The following CCDC102B variants were observed in gnomAD, a reference collection of about 807,000 sequenced individuals.
CCDC102B encodes coiled-coil domain containing 102B.
Under a neutral mutation model 57.4 loss-of-function variants are expected in CCDC102B, and 75 were observed. That is an observed-to-expected ratio of 1.31 (90% CI 1.08 to 1.58). The LOEUF (loss-of-function observed/expected upper bound fraction) is 1.58. Among genes scored for constraint, CCDC102B ranks in the 40% most tolerant of loss-of-function variants. The probability of loss-of-function intolerance (pLI) is 0.00; values close to 1 mark genes in which losing one functional copy is unlikely to be tolerated. For synonymous variants in CCDC102B, 206 were observed against 201.9 expected (o/e 1.02, Z -0.17); for missense variants, 636 against 582.6 (o/e 1.09, Z -0.94).
At chr18:68,812,378 C>T (rs944294672) in intron 1 of CCDC102B, among the ~76,000 whole-genome samples, 1 of 152,040 alleles carries the variant, frequency 6.6e-6, no homozygotes, top group African/African-American at 2.4e-5. Context: ...AAGAAATTTT[C>T]CTTTTAATTC....
intron 2 of CCDC102B, chr18:68,754,476 G>GGA (rs915931749): frequency 1.3e-5 from 2 of 152,028 alleles, no homozygotes; most frequent in African/African-American, 4.8e-5. Context: ...AAATTTGAGG[G>GGA]GAAGGCTGGG....
At chr18:68,866,774 G>GT (rs2039004338) in intron 4 of CCDC102B, 1 of 666,678 alleles carries the variant, frequency 1.5e-6, no homozygotes, top group Admixed American at 1.8e-5. Flanking sequence ...TGTCTTTTTG[G>GT]TATGTCGGTG....
chr18:68,846,015 G>A (rs1005239986), intron 3 of CCDC102B, among the ~76,000 whole-genome samples: 3 of 151,594 alleles, frequency 2.0e-5, no homozygotes, highest in Non-Finnish European at 3.0e-5. Context: ...AATATTATGA[G>A]TGAAAGGAAT....
At chr18:68,736,013 C>T (rs1045953263) in intron 2 of CCDC102B, among the ~76,000 whole-genome samples, 3 of 152,212 alleles carry the variant, frequency 2.0e-5, no homozygotes, top group African/African-American at 7.2e-5. Flanking sequence ...ATCAACTCTT[C>T]ATTCACAGAA....
intron 7 of CCDC102B, among the ~76,000 whole-genome samples, chr18:69,017,459 T>C (rs972052034): frequency 1.2e-4 from 19 of 152,146 alleles, no homozygotes; most frequent in African/African-American, 4.6e-4. Context: ...TTTTTAAAAA[T>C]TTTAACTTTT....
At chr18:68,942,544 C>T (rs1330088099) in intron 6 of CCDC102B, among the ~76,000 whole-genome samples, 1 of 151,952 alleles carries the variant, frequency 6.6e-6, no homozygotes, top group Non-Finnish European at 1.5e-5. Flanking sequence ...ACAAATGTCT[C>T]TGCATCATAA....
chr18:68,870,182 C>T (rs1474087948), intron 4 of CCDC102B, among the ~76,000 whole-genome samples: 3 of 152,026 alleles, frequency 2.0e-5, no homozygotes, highest in African/African-American at 7.3e-5. Flanking sequence ...ACATCACACA[C>T]CGGAGCCTGT....
intron 1 of CCDC102B, among the ~76,000 whole-genome samples, chr18:68,826,479 T>A (rs2036907426): frequency 6.6e-6 from 1 of 152,208 alleles, no homozygotes; most frequent in African/African-American, 2.4e-5. Flanking sequence ...ATCTCATTCT[T>A]TCATAACCTG....
At chr18:68,889,108 A>C (rs929074961) in intron 5 of CCDC102B, among the ~76,000 whole-genome samples, 1 of 151,710 alleles carries the variant, frequency 6.6e-6, no homozygotes, top group Non-Finnish European at 1.5e-5. Flanking sequence ...GTTATAAATG[A>C]ATATTGTCTA....
At chr18:68,942,115 A>AAG (rs1491496477) in intron 6 of CCDC102B, among the ~76,000 whole-genome samples, 1 of 152,194 alleles carries the variant, frequency 6.6e-6, no homozygotes, top group African/African-American at 2.4e-5. Context: ...CATAAAATTT[A>AAG]AGAGTCAGAA....
intron 6 of CCDC102B, among the ~76,000 whole-genome samples, chr18:68,991,829 T>A (rs544639962): frequency 7.2e-5 from 11 of 152,344 alleles, no homozygotes; most frequent in Non-Finnish European, 1.5e-4. Flanking sequence ...AATTGATGAT[T>A]AATGTATGCT....
intron 1 of CCDC102B, among the ~76,000 whole-genome samples, chr18:68,824,780 T>G (rs1207950423): frequency 1.3e-5 from 2 of 152,226 alleles, no homozygotes; most frequent in East Asian, 3.8e-4. Flanking sequence ...CCAAAGTCTC[T>G]GTGAAATTAT....
chr18:68,828,338 A>AAC (rs1298278570), intron 1 of CCDC102B, among the ~76,000 whole-genome samples: 1 of 150,622 alleles, frequency 6.6e-6, no homozygotes, highest in African/African-American at 2.4e-5. Context: ...AAAAAAAAAA[A>AAC]AAAAAAAAAC....
At chr18:68,737,867 T>G (rs1050757442) in intron 2 of CCDC102B, among the ~76,000 whole-genome samples, 10 of 152,138 alleles carry the variant, frequency 6.6e-5, no homozygotes, top group Non-Finnish European at 1.5e-4. Context: ...TTGGTGGAAG[T>G]GATTTCTTCT....
intron 6 of CCDC102B, among the ~76,000 whole-genome samples, chr18:68,999,443 TAA>T (rs529270353): frequency 9.2e-5 from 11 of 119,076 alleles, no homozygotes; most frequent in South Asian, 2.7e-4. Flanking sequence ...CTGAAAATAG[TAA>T]AAAAAAAAAA....
At chr18:68,802,594 GA>G (rs1239502693) in intron 1 of CCDC102B, among the ~76,000 whole-genome samples, 1 of 152,212 alleles carries the variant, frequency 6.6e-6, no homozygotes, top group Non-Finnish European at 1.5e-5. Context: ...GCTTCTCACA[GA>G]AGGCTGGGGC....
intron 4 of CCDC102B, 55 bp downstream of exon 4, chr18:68,846,476 G>A: frequency 8.5e-7 from 1 of 1,169,820 alleles, no homozygotes; most frequent in Non-Finnish European, 1.2e-6. Context: ...TTCTTTCTTT[G>A]GATATGTAAG....
chr18:68,746,801 T>A (rs2033638228), intron 2 of CCDC102B, among the ~76,000 whole-genome samples: 1 of 152,034 alleles, frequency 6.6e-6, no homozygotes, highest in Non-Finnish European at 1.5e-5. Flanking sequence ...ATATTTAATG[T>A]ATGCAATTTT....
In CCDC102B at chr18:68,913,310, C is replaced by G. The variant is rs200063015; in HGVS notation, c.1263+15882C>G. Among the ~76,000 whole-genome samples, 176 of 135,588 alleles carry G rather than the reference C, an allele frequency of 1.3e-3. 1 individual carries two copies. Among genetic ancestry groups the G allele is most frequent in the African/African-American group, 3.0e-3 (107 of 35,798 alleles). 89.0% of individuals were successfully genotyped at this position (135,588 alleles called of 152,430 possible). The stretch of plus-strand genomic sequence containing the variant: ...TAATTTTCCATTGGATGGTTAGTGT[C>G]TGTGTGTGTGTGTGTGTGTGTGTGT... On this transcript the variant is annotated intron_variant, in intron 6 of 7. Transcript: ENST00000360242.
Sources: gnomAD v4.1 joint callset for allele counts (sites outside exome capture counted in the v4.1 genomes callset) on GRCh38, gnomAD v4.1.1 for gene constraint, MANE v1.5 for transcripts, NCBI Gene and HGNC (gene_info 2026-07-23, HGNC 2026-07-21) for gene names.